Variants in EPDR1 observed in about 807,000 individuals in gnomAD.
The protein encoded by EPDR1 is ependymin related 1, also known as mammalian ependymin-related protein 1.
Under a neutral mutation model 23.7 loss-of-function variants are expected in EPDR1, and 27 were observed. The ratio of observed to expected loss-of-function variants is 1.14; its 90% CI spans 0.84 to 1.57. The LOEUF (loss-of-function observed/expected upper bound fraction) is 1.57, where lower values mean the gene tolerates loss of function less well. Ranked by LOEUF, EPDR1 falls within the 40% of genes most tolerant of loss-of-function variation. The pLI, the probability that EPDR1 is intolerant of heterozygous loss-of-function variation, is 0.00. For missense variants in EPDR1, 349 were observed against 290.4 expected (o/e 1.20, Z -1.47); for synonymous variants, 137 against 118.2 (o/e 1.16, Z -1.03).
intron 1 of EPDR1, among the ~76,000 whole-genome samples, chr7:37,932,324 A>G (rs1785961612): frequency 6.6e-6 from 1 of 152,124 alleles, no homozygotes; most frequent in African/African-American, 2.4e-5. Flanking sequence ...TTATTTAGAG[A>G]TGACATCTCA....
At position 37,921,071 on chromosome 7, in the gene EPDR1, G is replaced by A; in HGVS notation, c.132G>A (p.Ala44=). 1 of 1,565,746 alleles carries A rather than the reference G, an allele frequency of 6.4e-7. No homozygotes were observed. The highest frequency in any genetic ancestry group is 2.4e-5 in the East Asian group (1 of 42,390). Residue 44 remains alanine (A), a synonymous_variant, in exon 1 of 3, where the codon GCG becomes GCA. Transcript: ENST00000199448. ...GAVGAPRPCQ[A]PQQWEGRQVM... is the part of the protein sequence containing the mutation. ...TGGGAGCCCCGCGCCCGTGCCAGGC[G>A]CCGCAGCAGTGGGAGGGGCGCCAGG...
chr7:37,940,097 T>A (rs1786139804), intron 1 of EPDR1, among the ~76,000 whole-genome samples: 1 of 151,988 alleles, frequency 6.6e-6, no homozygotes, highest in Admixed American at 6.5e-5. Context: ...TACATGGCCA[T>A]GAAAAAATAG....
At chr7:37,937,758 T>C (rs1234958530) in intron 1 of EPDR1, among the ~76,000 whole-genome samples, 1 of 152,128 alleles carries the variant, frequency 6.6e-6, no homozygotes, top group Non-Finnish European at 1.5e-5. Flanking sequence ...ATCTATGCAA[T>C]CTATTGTACA....
chr7:37,925,382 G>A (rs1013110285), intron 1 of EPDR1, among the ~76,000 whole-genome samples: 3 of 152,144 alleles, frequency 2.0e-5, no homozygotes, highest in Admixed American at 6.5e-5. Flanking sequence ...TGGTATCTTG[G>A]AATATTATTT....
intron 1 of EPDR1, among the ~76,000 whole-genome samples, chr7:37,928,517 A>C (rs1562857628): frequency 6.6e-6 from 1 of 152,176 alleles, no homozygotes; most frequent in Non-Finnish European, 1.5e-5. Flanking sequence ...AACACCCTCC[A>C]ATCACTTTTG....
At chr7:37,948,652 C>A (rs1306942170) in intron 1 of EPDR1, among the ~76,000 whole-genome samples, 188 bp from the exon 2 acceptor site, 1 of 152,194 alleles carries the variant, frequency 6.6e-6, no homozygotes, top group Non-Finnish European at 1.5e-5. Context: ...TCGGTCTGAC[C>A]TGTGAATTCT....
chr7:37,923,453 G>A (rs1442347312), intron 1 of EPDR1, among the ~76,000 whole-genome samples: 2 of 152,196 alleles, frequency 1.3e-5, no homozygotes, highest in African/African-American at 4.8e-5. Flanking sequence ...ATGGCATAGG[G>A]TAGATGGTGA....
chr7:37,920,836 C>G lies in EPDR1; in HGVS notation c.-104C>G, dbSNP rs1785675998. ...GAAGCACTTTGGTCCAGACCACACT[C>G]CCGGCACAGTGCGGAAAGAGCCGGC... On this transcript the variant is annotated 5_prime_UTR_variant, in exon 1 of 3. Transcript: ENST00000199448. 3 of 1,610,504 alleles carry G rather than the reference C, an allele frequency of 1.9e-6. No homozygotes were observed. Among genetic ancestry groups the G allele is most frequent in the Non-Finnish European group, 2.5e-6 (3 of 1,178,562 alleles).
At chr7:37,927,757 AG>A (rs1785848018) in intron 1 of EPDR1, among the ~76,000 whole-genome samples, 1 of 152,174 alleles carries the variant, frequency 6.6e-6, no homozygotes. Context: ...TTTCATTTTA[AG>A]AAATCACGAC....
Position 37,920,667 on chromosome 7 carries a change from TGGCAGCAGGC to T in EPDR1, c.-272_-263del. 2.7e-6 allele frequency: 2 copies of T among 742,760 alleles called. No homozygotes were observed. The highest frequency in any genetic ancestry group is 3.3e-5 in the South Asian group (2 of 61,210). 46.0% of individuals were successfully genotyped at this position (742,760 alleles called of 1,614,324 possible). A position where few individuals can be genotyped will look rare whatever the true frequency, so the allele number is the denominator to read the frequency against. ...TGAAAACCGAAGCGGCAGAAGGCAG[TGGCAGCAGGC>T]AGTGGCAGCAGGCAGTGGCCCAGGC... On this transcript the variant is annotated 5_prime_UTR_variant, in exon 1 of 3. Coordinates refer to ENST00000199448, the MANE Select transcript of EPDR1 (RefSeq NM_017549.5).
intron 1 of EPDR1, among the ~76,000 whole-genome samples, chr7:37,940,164 A>G (rs2132013953): frequency 6.6e-6 from 1 of 152,326 alleles, no homozygotes. Flanking sequence ...AAAGGTCTAT[A>G]TGGCATGCTA....
At chr7:37,936,039 T>TATATATATATACACAC (rs57925993) in intron 1 of EPDR1, among the ~76,000 whole-genome samples, 3 of 80,948 alleles carry the variant, frequency 3.7e-5, no homozygotes, top group African/African-American at 1.3e-4. Flanking sequence ...TATATATATA[T>TATATATATATACACAC]ACACAAGGGA....
intron 1 of EPDR1, among the ~76,000 whole-genome samples, chr7:37,945,532 A>G (rs1425272002): frequency 6.6e-6 from 1 of 152,214 alleles, no homozygotes; most frequent in Non-Finnish European, 1.5e-5. Context: ...TCAGTCAATG[A>G]AGTGGTGGTC....
intron 2 of EPDR1, among the ~76,000 whole-genome samples, chr7:37,949,286 GAAC>G (rs1411873891): frequency 6.6e-6 from 1 of 152,170 alleles, no homozygotes; most frequent in Non-Finnish European, 1.5e-5. Context: ...TGGCTCCTGT[GAAC>G]TTAGCCTTGA....
chr7:37,929,191 C>T (rs746761533), intron 1 of EPDR1, among the ~76,000 whole-genome samples: 2 of 152,224 alleles, frequency 1.3e-5, no homozygotes, highest in African/African-American at 2.4e-5. Context: ...AGTGCCCCCT[C>T]ACTGCTTTAT....
rs746506034 is a variant in EPDR1 at position 37,921,118 on chromosome 7, G to A, written c.179G>A (p.Gly60Glu). 1 of 1,594,882 alleles carries A rather than the reference G, an allele frequency of 6.3e-7. No individual in the cohort carries two copies. The highest frequency in any genetic ancestry group is 2.3e-5 in the East Asian group (1 of 44,386). Residue 60 changes from glycine (G) to glutamate (E), a missense_variant, in exon 1 of 3, where the codon GGG (glycine) becomes GAG (glutamate). Coordinates refer to ENST00000199448, the MANE Select transcript of EPDR1 (RefSeq NM_017549.5). Reference protein sequence around the residue: ...GRQVMYQQSSGRNSRALLSYD... With the variant: ...GRQVMYQQSSERNSRALLSYD... ...CAGGTTATGTACCAGCAAAGTAGCG[G>A]GCGCAACAGCCGCGCCCTGCTCTCC...
rs117328776 is a variant in EPDR1, at chr7:37,924,883, G to A, written c.269+3675G>A. Among the ~76,000 whole-genome samples, 354 of 152,324 alleles carry A rather than the reference G, an allele frequency of 2.3e-3. 1 individual carries two copies. Among genetic ancestry groups the A allele is most frequent in the Non-Finnish European group, 4.2e-3 (286 of 68,018 alleles). On this transcript the variant is annotated intron_variant, in intron 1 of 2. Transcript: ENST00000199448. ...GGATGAGTTGTCTCTTCATATTTAT[G>A]AGTAAGTTGAGAAGTAAGTTTTAGA...
chr7:37,945,483 G>A (rs1018579135), intron 1 of EPDR1, among the ~76,000 whole-genome samples: 13 of 151,956 alleles, frequency 8.6e-5, no homozygotes, highest in Non-Finnish European at 1.3e-4. Context: ...TGAAGCATAC[G>A]GCTACTAATA....
intron 1 of EPDR1, among the ~76,000 whole-genome samples, chr7:37,942,637 C>T (rs894693524): frequency 6.6e-6 from 1 of 152,042 alleles, no homozygotes; most frequent in Non-Finnish European, 1.5e-5. Flanking sequence ...TTAATACGTA[C>T]ATAAAGACAT....
Sources: gnomAD v4.1 joint callset for allele counts (sites outside exome capture counted in the v4.1 genomes callset) on GRCh38, gnomAD v4.1.1 for gene constraint, MANE v1.5 for transcripts, NCBI Gene and HGNC (gene_info 2026-07-23, HGNC 2026-07-21) for gene names.